Variants in RAPGEF4 observed in about 807,000 individuals in gnomAD.
The protein encoded by RAPGEF4 is Rap guanine nucleotide exchange factor 4.
RAPGEF4 carries 66 observed loss-of-function variants against 147.9 expected under a neutral mutation model. The observed-to-expected ratio is 0.45, with a 90% CI of 0.37 to 0.55. The LOEUF (loss-of-function observed/expected upper bound fraction) is 0.55, where lower values mean the gene tolerates loss of function less well. Among genes scored for constraint, RAPGEF4 ranks in the 20% least tolerant of loss-of-function variants. The pLI is 0.00. For missense variants in RAPGEF4, 1,071 were observed against 1,257.3 expected (o/e 0.85, Z 2.24); for synonymous variants, 419 against 442.7 (o/e 0.95, Z 0.67).
chr2:172,850,623 A>G (rs991165440), intron 4 of RAPGEF4, among the ~76,000 whole-genome samples: 1 of 152,156 alleles, frequency 6.6e-6, no homozygotes, highest in Admixed American at 6.5e-5. Context: ...GTCTCAAAAA[A>G]AAAAAAATTA....
intron 29 of RAPGEF4, among the ~76,000 whole-genome samples, chr2:173,043,449 G>A (rs954223361): frequency 6.6e-6 from 1 of 152,206 alleles, no homozygotes; most frequent in African/African-American, 2.4e-5. Flanking sequence ...TATTGTGGCC[G>A]CTGTCTGGGA....
chr2:172,798,683 T>C (rs1412329999), intron 3 of RAPGEF4, among the ~76,000 whole-genome samples: 1 of 151,488 alleles, frequency 6.6e-6, no homozygotes, highest in Non-Finnish European at 1.5e-5. Context: ...GAAACATTTA[T>C]GACACACCAA....
chr2:173,034,441 G>A (rs888742430), intron 27 of RAPGEF4, among the ~76,000 whole-genome samples: 1 of 152,174 alleles, frequency 6.6e-6, no homozygotes, highest in African/African-American at 2.4e-5. Context: ...TTCAGGAAAA[G>A]GGGAATCTTG....
In RAPGEF4 at chr2:173,052,008, C is replaced by A; in HGVS notation, c.*241C>A. 1 of 333,904 alleles carries A rather than the reference C, an allele frequency of 3.0e-6. No homozygotes were observed. Among genetic ancestry groups the A allele is most frequent in the Non-Finnish European group, 5.5e-6 (1 of 181,892 alleles). 20.7% of individuals were successfully genotyped at this position (333,904 alleles called of 1,614,324 possible). A position where few individuals can be genotyped will look rare whatever the true frequency, so the allele number is the denominator to read the frequency against. ...TCCCCAGTTTGTGGCTACCCTGTTT[C>A]ATTTCCACTTGTGCCATCTTCTTTG... On this transcript the variant is annotated 3_prime_UTR_variant, in exon 31 of 31. Transcript: ENST00000397081.
chr2:172,745,569 T>G (rs550488242), intron 1 of RAPGEF4, among the ~76,000 whole-genome samples: 1 of 152,302 alleles, frequency 6.6e-6, no homozygotes, highest in East Asian at 1.9e-4. Context: ...TTGCTCATTT[T>G]TTTTTCCTTT....
intron 1 of RAPGEF4, among the ~76,000 whole-genome samples, chr2:172,790,210 G>C (rs1273466711): frequency 6.6e-6 from 1 of 152,028 alleles, no homozygotes; most frequent in Non-Finnish European, 1.5e-5. Context: ...TAGTGACAAT[G>C]AGCACCTTTT....
At chr2:173,024,834 T>C (rs911805403) in intron 23 of RAPGEF4, among the ~76,000 whole-genome samples, 4 of 152,202 alleles carry the variant, frequency 2.6e-5, no homozygotes, top group Non-Finnish European at 5.9e-5. Context: ...TGCTACTAAC[T>C]GTTCACACTG....
intron 6 of RAPGEF4, among the ~76,000 whole-genome samples, chr2:172,923,015 T>C (rs930535546): frequency 1.3e-5 from 2 of 152,194 alleles, no homozygotes; most frequent in Admixed American, 1.3e-4. Flanking sequence ...ACCTTATAAT[T>C]GTGTCCTTTG....
At chr2:172,738,838 A>T (rs1246791425) in intron 1 of RAPGEF4, among the ~76,000 whole-genome samples, 2 of 152,162 alleles carry the variant, frequency 1.3e-5, no homozygotes, top group Non-Finnish European at 2.9e-5. Context: ...AAACCCTGGG[A>T]CTGGAAATAA....
intron 4 of RAPGEF4, among the ~76,000 whole-genome samples, chr2:172,883,568 G>A (rs1321291215): frequency 6.6e-6 from 1 of 152,176 alleles, no homozygotes; most frequent in Non-Finnish European, 1.5e-5. Context: ...TTGAAGAAAA[G>A]ACCAATTCAT....
intron 5 of RAPGEF4, 116 bp downstream of exon 5, chr2:172,917,990 G>A (rs1466255131): frequency 2.2e-6 from 2 of 892,546 alleles, no homozygotes; most frequent in Admixed American, 1.7e-5. Context: ...AGACTCTTTT[G>A]TGGATAAACA....
intron 4 of RAPGEF4, among the ~76,000 whole-genome samples, chr2:172,827,905 C>G (rs1488265291): frequency 1.3e-5 from 2 of 152,164 alleles, no homozygotes; most frequent in Non-Finnish European, 2.9e-5. Context: ...GATTAAGGTT[C>G]AAACTAGCTG....
At chr2:172,806,162 G>GAT (rs991591552) in intron 3 of RAPGEF4, among the ~76,000 whole-genome samples, 1 of 151,586 alleles carries the variant, frequency 6.6e-6, no homozygotes, top group Non-Finnish European at 1.5e-5. Context: ...CAAAATCCTA[G>GAT]ATATATATAA....
At chr2:173,003,211 T>C (rs1237015752) in intron 17 of RAPGEF4, among the ~76,000 whole-genome samples, 2 of 152,028 alleles carry the variant, frequency 1.3e-5, no homozygotes, top group African/African-American at 4.8e-5. Context: ...TTCAAATCAC[T>C]AACTTCTCTT....
At position 172,967,341 on chromosome 2, in the gene RAPGEF4, A is replaced by G. The variant is rs769964236; in HGVS notation, c.901A>G (p.Thr301Ala). Residue 301 changes from threonine to alanine, a missense_variant, in exon 10 of 31, where the codon ACT becomes GCT. By Grantham distance (58) the Thr-to-Ala change is moderately conservative. Coordinates refer to ENST00000397081, the MANE Select transcript of RAPGEF4 (RefSeq NM_007023.4). ...TGAGCACGAGGATGCCCCTTTGCCT[A>G]CTGAGGAGGAGAAGAAGGAGTGTGA... ...DDEHEDAPLP[T>A]EEEKKECDEE... 2.5e-6 allele frequency: 4 copies of G among 1,612,086 alleles called. No homozygotes were observed. The East Asian group carries it at 6.7e-5, about 27-fold the overall frequency.
chr2:172,821,724 A>G, intron 4 of RAPGEF4: 1 of 719,622 alleles, frequency 1.4e-6, no homozygotes. Flanking sequence ...AGTTATTAGG[A>G]GCTAACTAAA....
chr2:172,803,040 C>T (rs1442278907), intron 3 of RAPGEF4, among the ~76,000 whole-genome samples: 1 of 152,160 alleles, frequency 6.6e-6, no homozygotes. Context: ...AGCCTCCCTT[C>T]TGGTTGCTTT....
chr2:173,009,274 T>A (rs1383109876), intron 17 of RAPGEF4, among the ~76,000 whole-genome samples: 2 of 152,214 alleles, frequency 1.3e-5, no homozygotes, highest in African/African-American at 4.8e-5. Flanking sequence ...TTTTAAAGGT[T>A]TTTTGTTTTT....
chr2:172,975,841 T>C (rs1207394998), intron 10 of RAPGEF4, among the ~76,000 whole-genome samples: 1 of 152,260 alleles, frequency 6.6e-6, no homozygotes, highest in Admixed American at 6.5e-5. Context: ...CTTAGGTGTT[T>C]TAAAGGAAAA....
Sources: gnomAD v4.1 joint callset for allele counts (sites outside exome capture counted in the v4.1 genomes callset) on GRCh38, gnomAD v4.1.1 for gene constraint, MANE v1.5 for transcripts, NCBI Gene and HGNC (gene_info 2026-07-23, HGNC 2026-07-21) for gene names.